The following LYPD6 variants were observed in gnomAD, a reference collection of about 807,000 sequenced individuals.
The protein encoded by LYPD6 is LY6/PLAUR domain containing 6.
In LYPD6, 15 loss-of-function variants were observed where a neutral mutation model predicts 22.7. That is an observed-to-expected ratio of 0.66 (90% confidence interval 0.44 to 1.02). LYPD6 has a LOEUF of 1.02. LYPD6 is among the 50% of genes least tolerant of loss of function. The probability of loss-of-function intolerance (pLI) is 0.00; values close to 1 mark genes in which losing one functional copy is unlikely to be tolerated. For synonymous variants in LYPD6, 72 were observed against 77.5 expected (o/e 0.93, Z 0.37); for missense variants, 189 against 208.4 (o/e 0.91, Z 0.57).
At chr2:149,402,071 A>G (rs1344882543) in intron 1 of LYPD6, among the ~76,000 whole-genome samples, 2 of 152,046 alleles carry the variant, frequency 1.3e-5, no homozygotes, top group Admixed American at 6.6e-5. Context: ...GCAAACCACC[A>G]TGGCACATGT....
chr2:149,357,802 T>C (rs1681476297), intron 1 of LYPD6, among the ~76,000 whole-genome samples: 1 of 150,906 alleles, frequency 6.6e-6, no homozygotes, highest in Non-Finnish European at 1.5e-5. Context: ...TTTTTTTTTT[T>C]TAAGACAGAA....
At chr2:149,332,408 A>C (rs1680956086) in intron 1 of LYPD6, among the ~76,000 whole-genome samples, 1 of 152,244 alleles carries the variant, frequency 6.6e-6, no homozygotes, top group Non-Finnish European at 1.5e-5. Flanking sequence ...TTTATAGTAC[A>C]TAATGCATAA....
At chr2:149,440,070 C>G (rs1312765757) in intron 2 of LYPD6, 1 of 152,916 alleles carries the variant, frequency 6.5e-6, no homozygotes, top group Non-Finnish European at 1.5e-5. Context: ...GTCTACCATT[C>G]TAACATTACA....
At chr2:149,345,791 G>A (rs964296640) in intron 1 of LYPD6, among the ~76,000 whole-genome samples, 1 of 151,928 alleles carries the variant, frequency 6.6e-6, no homozygotes, top group South Asian at 2.1e-4. Context: ...TTGAAATTTG[G>A]CAGACAACTG....
intron 1 of LYPD6, among the ~76,000 whole-genome samples, chr2:149,360,303 C>T (rs562015781): frequency 1.8e-4 from 27 of 152,236 alleles, no homozygotes; most frequent in African/African-American, 5.8e-4. Context: ...TATTTTGTAC[C>T]AGCCTCCTAT....
rs2105162222 is a variant in LYPD6 at position 149,449,038 on chromosome 2, C to T, written c.119-11C>T. 6.3e-7 allele frequency: 1 copy of T among 1,584,518 alleles called. No individual in the cohort carries two copies. Among genetic ancestry groups the T allele is most frequent in the Non-Finnish European group, 8.6e-7 (1 of 1,157,330 alleles). On this transcript the variant is annotated splice_polypyrimidine_tract_variant and intron_variant, in intron 2 of 4. Transcript: ENST00000334166. ...TAAAAATTAATCTTTTCTCTTAATC[C>T]TTTTTTTTAGCCACACCATATCCTG...
chr2:149,389,979 G>C (rs547934132), intron 1 of LYPD6, among the ~76,000 whole-genome samples: 1 of 152,290 alleles, frequency 6.6e-6, no homozygotes, highest in Admixed American at 6.5e-5. Flanking sequence ...TTAGCATACA[G>C]CCTCTTGGCA....
At chr2:149,353,107 CT>C (rs1681389030) in intron 1 of LYPD6, among the ~76,000 whole-genome samples, 1 of 152,204 alleles carries the variant, frequency 6.6e-6, no homozygotes, top group Non-Finnish European at 1.5e-5. Context: ...ACAAACACTT[CT>C]TGGCCTGCTC....
intron 1 of LYPD6, among the ~76,000 whole-genome samples, chr2:149,400,272 G>T (rs1248327173): frequency 6.6e-6 from 1 of 152,188 alleles, no homozygotes; most frequent in Admixed American, 6.5e-5. Context: ...TCTTATAGGG[G>T]GTAATGAAGA....
At chr2:149,335,900 T>C (rs1348216845) in intron 1 of LYPD6, among the ~76,000 whole-genome samples, 1 of 152,214 alleles carries the variant, frequency 6.6e-6, no homozygotes, top group Non-Finnish European at 1.5e-5. Flanking sequence ...AGGTGTGTAG[T>C]AGGCTATACA....
At chr2:149,401,110 C>T (rs556399902) in intron 1 of LYPD6, among the ~76,000 whole-genome samples, 5 of 152,338 alleles carry the variant, frequency 3.3e-5, no homozygotes, top group Admixed American at 1.3e-4. Flanking sequence ...CTTCCACTTA[C>T]ATCTCATTGA....
chr2:149,397,700 T>A (rs996206346), intron 1 of LYPD6, among the ~76,000 whole-genome samples: 10 of 152,244 alleles, frequency 6.6e-5, no homozygotes, highest in Non-Finnish European at 1.2e-4. Flanking sequence ...GAGAGCTGAA[T>A]GATGTCTTGT....
chr2:149,349,064 T>TTAC (rs1681313240), intron 1 of LYPD6, among the ~76,000 whole-genome samples: 1 of 151,952 alleles, frequency 6.6e-6, no homozygotes, highest in Non-Finnish European at 1.5e-5. Context: ...AGTAACAGAT[T>TTAC]TGGAAGAGGA....
At chr2:149,365,968 G>A (rs944041152) in intron 1 of LYPD6, among the ~76,000 whole-genome samples, 5 of 152,108 alleles carry the variant, frequency 3.3e-5, no homozygotes, top group South Asian at 2.1e-4. Flanking sequence ...TCTTATAACC[G>A]TATGTGTGCA....
upstream of LYPD6, chr2:149,330,355 C>G (rs1416633857): frequency 6.6e-6 from 1 of 151,334 alleles, no homozygotes; most frequent in Non-Finnish European, 1.5e-5. Context: ...TCGGCTCCCG[C>G]TGGCCGGAGT....
At chr2:149,448,329 T>A (rs182739688) in intron 2 of LYPD6, among the ~76,000 whole-genome samples, 8 of 152,232 alleles carry the variant, frequency 5.3e-5, no homozygotes, top group Non-Finnish European at 1.0e-4. Flanking sequence ...AACTATAGCA[T>A]AATACCACAA....
chr2:149,397,646 A>G (rs1222670806), intron 1 of LYPD6, among the ~76,000 whole-genome samples: 1 of 152,248 alleles, frequency 6.6e-6, no homozygotes, highest in South Asian at 2.1e-4. Context: ...ACTCAGTGAT[A>G]TTATTGCAGT....
intron 1 of LYPD6, among the ~76,000 whole-genome samples, chr2:149,364,426 A>G (rs1317165814): frequency 6.6e-6 from 1 of 152,084 alleles, no homozygotes; most frequent in Non-Finnish European, 1.5e-5. Context: ...CTTTTTGAAA[A>G]ATTAATGAGT....
intron 1 of LYPD6, among the ~76,000 whole-genome samples, chr2:149,407,631 C>A (rs544469959): frequency 6.6e-6 from 1 of 152,246 alleles, no homozygotes; most frequent in South Asian, 2.1e-4. Flanking sequence ...GTTATACATT[C>A]GTCTAAATTT....
Sources: gnomAD v4.1 joint callset for allele counts (sites outside exome capture counted in the v4.1 genomes callset) on GRCh38, gnomAD v4.1.1 for gene constraint, MANE v1.5 for transcripts, NCBI Gene and HGNC (gene_info 2026-07-23, HGNC 2026-07-21) for gene names.